GRAMD2A: variants seen among roughly 807,000 people sequenced by gnomAD.
The protein encoded by GRAMD2A is GRAM domain-containing protein 2A.
Under a neutral mutation model 51.1 loss-of-function variants are expected in GRAMD2A, and 37 were observed. The ratio of observed to expected loss-of-function variants is 0.72; its 90% CI spans 0.56 to 0.95. The LOEUF is 0.95. GRAMD2A is among the 40% of genes least tolerant of loss of function. The pLI is 0.00. For synonymous variants in GRAMD2A, 136 were observed against 157.1 expected (o/e 0.87, Z 1.01); for missense variants, 414 against 426.9 (o/e 0.97, Z 0.27).
chr15:72,184,036 C>A (rs1425515394), intron 1 of GRAMD2A, among the ~76,000 whole-genome samples: 1 of 152,246 alleles, frequency 6.6e-6, no homozygotes, highest in Non-Finnish European at 1.5e-5. Flanking sequence ...GCCCTCCGCC[C>A]TCCCTCGCGG....
At position 72,165,365 on chromosome 15, in the gene GRAMD2A, G is replaced by T. The variant is rs1176978600; in HGVS notation, c.589C>A (p.Pro197Thr). 3.1e-6 allele frequency: 5 copies of T among 1,613,916 alleles called. No homozygotes were observed. The highest frequency in any genetic ancestry group is 1.7e-5 in the Admixed American group (1 of 60,000). Residue 197 changes from proline to threonine, a missense_variant, in exon 8 of 12, where the codon CCT (proline) becomes ACT (threonine). Transcript: ENST00000309731. ...GCTTCAGCTCTCACCAGAGACTCAG[G>T]TTCCCCTGAAAATTCTCTTACACTC... ...SLSVREFSGEPESLEVLIPEM... is the reference protein window; with the variant it reads ...SLSVREFSGETESLEVLIPEM...
intron 1 of GRAMD2A, among the ~76,000 whole-genome samples, chr15:72,184,489 G>A (rs1457910257): frequency 1.3e-5 from 2 of 152,242 alleles, no homozygotes; most frequent in Non-Finnish European, 2.9e-5. Context: ...AAAGGAGCGC[G>A]CGCCCCTCTG....
chr15:72,183,027 C>T (rs1402378259), intron 1 of GRAMD2A, among the ~76,000 whole-genome samples: 1 of 152,106 alleles, frequency 6.6e-6, no homozygotes, highest in African/African-American at 2.4e-5. Context: ...CACATGCCAC[C>T]ATGCCCAGCT....
At chr15:72,175,457 A>T (rs2081646044) in intron 1 of GRAMD2A, among the ~76,000 whole-genome samples, 1 of 152,106 alleles carries the variant, frequency 6.6e-6, no homozygotes, top group African/African-American at 2.4e-5. Context: ...ATCGCCCGTC[A>T]TTCCCTCCCC....
chr15:72,192,437 G>A (rs957609725), intron 1 of GRAMD2A, among the ~76,000 whole-genome samples: 5 of 152,184 alleles, frequency 3.3e-5, no homozygotes, highest in Admixed American at 2.6e-4. Context: ...ATAGCATTTT[G>A]TGTGGCCTGA....
At chr15:72,174,446 C>A (rs1276186344) in intron 1 of GRAMD2A, among the ~76,000 whole-genome samples, 1 of 152,196 alleles carries the variant, frequency 6.6e-6, no homozygotes, top group Non-Finnish European at 1.5e-5. Context: ...CCCGCTCTGT[C>A]CCATCCAGTC....
Position 72,162,269 on chromosome 15 carries a change from T to G in GRAMD2A, c.1061+4A>C. On this transcript the variant is annotated splice_donor_region_variant and intron_variant, in intron 11 of 11. Coordinates refer to ENST00000309731, the MANE Select transcript of GRAMD2A (RefSeq NM_001012642.3). ...AAAGGCATTAGAAAGAGAAAAGGCC[T>G]CACCTGTGCCCAGGGACTGGGTCAT... 6.2e-7 allele frequency: 1 copy of G among 1,604,220 alleles called. No homozygotes were observed. Among genetic ancestry groups the G allele is most frequent in the Non-Finnish European group, 8.5e-7 (1 of 1,171,530 alleles).
At chr15:72,183,061 C>T (rs1000891342) in intron 1 of GRAMD2A, among the ~76,000 whole-genome samples, 1 of 152,010 alleles carries the variant, frequency 6.6e-6, no homozygotes, top group African/African-American at 2.4e-5. Context: ...TATGTAGAGA[C>T]AGGGTCTCTC....
intron 1 of GRAMD2A, among the ~76,000 whole-genome samples, chr15:72,194,565 A>G (rs1391320231): frequency 1.3e-5 from 2 of 152,204 alleles, no homozygotes; most frequent in Non-Finnish European, 2.9e-5. Context: ...CATGGTGGAG[A>G]TAGTAGGCAC....
At chr15:72,165,832 C>T (rs539002511) in intron 7 of GRAMD2A, among the ~76,000 whole-genome samples, 46 of 152,202 alleles carry the variant, frequency 3.0e-4, no homozygotes, top group Middle Eastern at 3.4e-3. Flanking sequence ...CTTCAAGTAC[C>T]TATACAGCCA....
Position 72,160,318 on chromosome 15 carries a change from G to C in GRAMD2A, c.*1691C>G, listed in dbSNP as rs1224739844. 4 of 125,874 alleles carry C rather than the reference G, an allele frequency of 3.2e-5. No homozygotes were observed. Among genetic ancestry groups the C allele is most frequent in the African/African-American group, 1.2e-4 (4 of 33,894 alleles). The allele number at this position is 125,874 out of a possible 1,614,324, so 7.8% of individuals were successfully genotyped here. ...AAAAAAAAAAGACGGATGAAAGGGT[G>C]AAAGGGGCTGGTTCCAAAAAAAAAA... On this transcript the variant is annotated 3_prime_UTR_variant, in exon 12 of 12. Transcript: ENST00000309731.
chr15:72,173,014 G>A (rs1416772689), intron 1 of GRAMD2A, among the ~76,000 whole-genome samples: 1 of 152,158 alleles, frequency 6.6e-6, no homozygotes, highest in Non-Finnish European at 1.5e-5. Context: ...TGTGGGCTCA[G>A]CTCTGAAGAA....
intron 1 of GRAMD2A, among the ~76,000 whole-genome samples, chr15:72,182,814 T>C (rs1477538695): frequency 6.6e-6 from 1 of 152,144 alleles, no homozygotes; most frequent in African/African-American, 2.4e-5. Context: ...GAGTTGTTGT[T>C]CTTTGGGTAT....
Position 72,170,079 on chromosome 15 carries a change from C to T in GRAMD2A, c.42-140G>A, listed in dbSNP as rs528990129. 7 of 749,362 alleles carry T rather than the reference C, an allele frequency of 9.3e-6. No individual in the cohort carries two copies. The highest frequency in any genetic ancestry group is 5.6e-5 in the Admixed American group (3 of 53,108). 46.4% of individuals were successfully genotyped at this position (749,362 alleles called of 1,614,324 possible). On this transcript the variant is annotated intron_variant, in intron 1 of 11. Coordinates refer to ENST00000309731, the MANE Select transcript of GRAMD2A (RefSeq NM_001012642.3). The surrounding 1 kb of genome is among the most constrained non-coding windows in gnomAD (Gnocchi z 4.5). ...ATTGAGGGTGACACTGAAAATGTCA[C>T]AGTTCAGAGGCAGCAGCGCAGGCAG...
At position 72,162,250 on chromosome 15, in the gene GRAMD2A, A is replaced by G. The variant is rs377239703; in HGVS notation, c.1061+23T>C. 5 of 1,541,992 alleles carry G rather than the reference A, an allele frequency of 3.2e-6. No individual in the cohort carries two copies. The African/African-American group carries it at 6.8e-5, about 21-fold the overall frequency. On this transcript the variant is annotated intron_variant, in intron 11 of 11. Coordinates refer to ENST00000309731, the MANE Select transcript of GRAMD2A (RefSeq NM_001012642.3). Reference sequence around the variant, plus strand: ...GTCCTCAACCCTCAATATCAAAGGCATTAGAAAGAGAAAAGGCCTCACCTG... The same window carrying G: ...GTCCTCAACCCTCAATATCAAAGGCGTTAGAAAGAGAAAAGGCCTCACCTG...
At chr15:72,179,106 C>T (rs1191044726) in intron 1 of GRAMD2A, among the ~76,000 whole-genome samples, 1 of 152,194 alleles carries the variant, frequency 6.6e-6, no homozygotes, top group African/African-American at 2.4e-5. Context: ...ATCCCTTCTT[C>T]CAGGAAGGGT....
At chr15:72,171,337 A>G (rs2081608127) in intron 1 of GRAMD2A, among the ~76,000 whole-genome samples, 1 of 152,016 alleles carries the variant, frequency 6.6e-6, no homozygotes, top group Non-Finnish European at 1.5e-5. Context: ...AAAAATATAT[A>G]TAAGATCAAA....
intron 1 of GRAMD2A, among the ~76,000 whole-genome samples, chr15:72,186,767 A>T (rs953106922): frequency 6.6e-6 from 1 of 152,190 alleles, no homozygotes; most frequent in African/African-American, 2.4e-5. Context: ...AGTATAATGG[A>T]TTCCTATGCA....
chr15:72,183,956 C>A (rs1285428976), intron 1 of GRAMD2A, among the ~76,000 whole-genome samples: 2 of 152,226 alleles, frequency 1.3e-5, no homozygotes, highest in Non-Finnish European at 2.9e-5. Flanking sequence ...TGTCCACCAG[C>A]AAGGATGCTG....
Sources: gnomAD v4.1 joint callset for allele counts (sites outside exome capture counted in the v4.1 genomes callset) on GRCh38, gnomAD v4.1.1 for gene constraint, Gnocchi (gnomAD v3.1) non-coding constraint, MANE v1.5 for transcripts, NCBI Gene and HGNC (gene_info 2026-07-23, HGNC 2026-07-21) for gene names.